PPP1R3F: variants seen among roughly 807,000 people sequenced by gnomAD.
The protein encoded by PPP1R3F is protein phosphatase 1 regulatory subunit 3F.
A neutral mutation model predicts 24.2 loss-of-function variants in PPP1R3F; 29 were observed. The ratio of observed to expected loss-of-function variants is 1.20; its 90% CI spans 0.89 to 1.63. PPP1R3F has a LOEUF of 1.63. Among genes scored for constraint, PPP1R3F ranks in the 40% most tolerant of loss-of-function variants. The pLI, the probability that PPP1R3F is intolerant of heterozygous loss-of-function variation, is 0.00. For synonymous variants in PPP1R3F, 363 were observed against 340.1 expected, an observed-to-expected ratio of 1.07 and a Z score of -0.74; for missense variants, 823 against 729.3, an observed-to-expected ratio of 1.13 and a Z score of -1.48.
At position 49,270,255 on chromosome X, in the gene PPP1R3F, A is replaced by T. The variant is rs2066164943; in HGVS notation, c.386A>T (p.Glu129Val). 8 of 1,096,775 alleles carry T rather than the reference A, an allele frequency of 7.3e-6. No individual in the cohort carries two copies. Among genetic ancestry groups the T allele is most frequent in the Non-Finnish European group, 9.4e-6 (8 of 848,431 alleles). 90.4% of individuals were successfully genotyped at this position (1,096,775 alleles called of 1,213,427 possible). A position where few individuals can be genotyped will look rare whatever the true frequency, so the allele number is the denominator to read the frequency against. Residue 129 changes from glutamate (E) to valine (V), a missense_variant, in exon 1 of 4, where the codon GAG (glutamate) becomes GTG (valine). Physicochemically the swap from Glu to Val is moderately radical, Grantham distance 121. Transcript: ENST00000055335. Reference sequence around the variant, plus strand: ...CTGCCGCCCGCGCCGGGCCGTCTGGAGCGCTTGGGGCGCGTCATGGTGGAG... The same window carrying T: ...CTGCCGCCCGCGCCGGGCCGTCTGGTGCGCTTGGGGCGCGTCATGGTGGAG... ...FSLPPAPGRLERLGRVMVELE... is the reference protein window; with the variant it reads ...FSLPPAPGRLVRLGRVMVELE...
intron 1 of PPP1R3F, chrX:49,275,064 C>T (rs373293366): frequency 1.0e-4 from 11 of 110,286 alleles, no homozygotes; most frequent in South Asian, 3.9e-4. Context: ...CTTCTGTCTC[C>T]GCTGACCCCA....
At chrX:49,280,429 A>G (rs782160841) in intron 1 of PPP1R3F, among the ~76,000 whole-genome samples, 1 of 108,478 alleles carries the variant, frequency 9.2e-6, no homozygotes, top group South Asian at 4.0e-4. Flanking sequence ...TTATATTTTT[A>G]GTAGAGACGG....
chrX:49,280,637 C>T (rs1462719199), intron 1 of PPP1R3F: 1 of 106,024 alleles, frequency 9.4e-6, no homozygotes, highest in Non-Finnish European at 1.9e-5. Context: ...CCTCCGCCTC[C>T]CAGGTTCAAA....
At chrX:49,293,307 C>A (rs781817073) in intron 3 of PPP1R3F, among the ~76,000 whole-genome samples, 1 of 112,438 alleles carries the variant, frequency 8.9e-6, no homozygotes, top group East Asian at 2.8e-4. Context: ...GATATGCCAT[C>A]ATTTATTATT....
rs1402133451 is a variant in PPP1R3F, at chrX:49,293,882, C to G, written c.393-7469C>G. 2.7e-5 allele frequency among the ~76,000 whole-genome samples: 3 copies of G among 110,955 alleles called. No homozygotes were observed. In the East Asian group the frequency reaches 8.5e-4, roughly 32 times the overall value. On this transcript the variant is annotated intron_variant, in intron 3 of 3. Coordinates refer to the PPP1R3F transcript ENST00000471261. ...TGGTGGCATGCGCCCATAGTCCCAG[C>G]TACTCAGAGGCGGAGGAGGGAGGAT...
chrX:49,269,914 GC>G lies in PPP1R3F; in HGVS notation c.51del (p.Ser18ArgfsTer154), dbSNP rs1557118556. 5.5e-6 allele frequency: 5 copies of G among 905,706 alleles called. No homozygotes were observed. The highest frequency in any genetic ancestry group is 1.1e-4 in the South Asian group (2 of 17,648). The allele number at this position is 905,706 out of a possible 1,213,427, so 74.6% of individuals were successfully genotyped here. On this transcript the variant is annotated frameshift_variant, in exon 1 of 4. Coordinates refer to ENST00000055335, the MANE Select transcript of PPP1R3F (RefSeq NM_033215.5). LOFTEE classifies it high-confidence loss of function. ...TGGAGCCCCCGCTGCGGCATTCCGC[GC>G]CCCCCTCGCCGGCCGCGGGTGAGCC... ...PVEPPLRHSA[P>X]PSPAAGEPRT...
chrX:49,285,871 A>C lies in PPP1R3F; in HGVS notation c.1181A>C (p.Glu394Ala). 8.6e-7 allele frequency: 1 copy of C among 1,165,240 alleles called. No homozygotes were observed. Among genetic ancestry groups the C allele is most frequent in the South Asian group, 2.0e-5 (1 of 50,454 alleles). ...DVPMTGNPAE[E>A]GDVPRSSPPV... Reference sequence around the variant, plus strand: ...CCGATGACTGGCAACCCCGCAGAAGAAGGTGATGTCCCCAGAAGCAGTCCA... The same window carrying C: ...CCGATGACTGGCAACCCCGCAGAAGCAGGTGATGTCCCCAGAAGCAGTCCA... Residue 394 changes from glutamate to alanine, a missense_variant, in exon 4 of 4, where the codon GAA becomes GCA. Coordinates refer to ENST00000055335, the MANE Select transcript of PPP1R3F (RefSeq NM_033215.5).
At chrX:49,291,639 T>C (rs998437064), downstream of PPP1R3F, among the ~76,000 whole-genome samples, 5 of 110,517 alleles carry the variant, frequency 4.5e-5, no homozygotes, top group Non-Finnish European at 9.5e-5. Flanking sequence ...TACTTTTCTT[T>C]TTTAAAATTT....
chrX:49,277,686 C>T (rs1487476112), intron 1 of PPP1R3F, among the ~76,000 whole-genome samples: 1 of 112,357 alleles, frequency 8.9e-6, no homozygotes, highest in East Asian at 2.8e-4. Flanking sequence ...CTGTGAAAGA[C>T]GGTTCAAAGA....
intron 3 of PPP1R3F, among the ~76,000 whole-genome samples, chrX:49,295,551 G>A (rs2066320718): frequency 1.2e-5 from 1 of 80,707 alleles, no homozygotes; most frequent in African/African-American, 3.5e-5. Flanking sequence ...GTAATATTAT[G>A]TTGAGGATTT....
chrX:49,285,933 A>G lies in PPP1R3F; in HGVS notation c.1243A>G (p.Ile415Val), dbSNP rs782207179. Residue 415 changes from isoleucine to valine, a missense_variant, in exon 4 of 4, where the codon ATC becomes GTC. Coordinates refer to ENST00000055335, the MANE Select transcript of PPP1R3F (RefSeq NM_033215.5). ...AFTEVLQAPA[I>V]RIPPSSPLCG... is the part of the protein sequence containing the mutation. ...TACAGAGGTCCTCCAGGCACCGGCC[A>G]TCAGGATTCCCCCCTCCTCCCCTCT... is the stretch of plus-strand genomic sequence containing the variant. The G allele has an allele frequency of 1.5e-5, 18 of 1,208,552 alleles. No individual in the cohort carries two copies. The South Asian group carries it at 2.1e-4, about 14-fold the overall frequency.
rs2066158129 is a variant in PPP1R3F at position 49,269,808 on chromosome X, C to G, written c.-62C>G. ...TGGCCTTCCCATTGGCTGCCCGCCCCTTCAGGCCCTGCCCCCGCCGGTCCC... is the reference window on the plus strand; with the variant it reads ...TGGCCTTCCCATTGGCTGCCCGCCCGTTCAGGCCCTGCCCCCGCCGGTCCC... On this transcript the variant is annotated 5_prime_UTR_variant, in exon 1 of 4. Coordinates refer to ENST00000055335, the MANE Select transcript of PPP1R3F (RefSeq NM_033215.5). 2.7e-6 allele frequency: 2 copies of G among 747,257 alleles called. No individual in the cohort carries two copies. Among genetic ancestry groups the G allele is most frequent in the African/African-American group, 2.3e-5 (1 of 44,238 alleles). The allele number at this position is 747,257 out of a possible 1,213,427, so 61.6% of individuals were successfully genotyped here. A position where few individuals can be genotyped will look rare whatever the true frequency, so the allele number is the denominator to read the frequency against.
intron 1 of PPP1R3F, among the ~76,000 whole-genome samples, chrX:49,277,354 G>A (rs1039314211): frequency 8.9e-6 from 1 of 112,152 alleles, no homozygotes; most frequent in Non-Finnish European, 1.9e-5. Context: ...CCTTTTAGTC[G>A]ACACCAGCTT....
At chrX:49,295,010 GT>G (rs1443288946) in intron 3 of PPP1R3F, among the ~76,000 whole-genome samples, 1 of 107,401 alleles carries the variant, frequency 9.3e-6, no homozygotes, top group Non-Finnish European at 1.9e-5. Context: ...TTTGCTAAGA[GT>G]TTTTTTTAAG....
At chrX:49,293,021 G>A (rs1557122510), downstream of PPP1R3F, among the ~76,000 whole-genome samples, 2 of 112,041 alleles carry the variant, frequency 1.8e-5, no homozygotes, top group African/African-American at 6.5e-5. Flanking sequence ...GGTGGGGGAA[G>A]TTCTGAGTCT....
intron 1 of PPP1R3F, among the ~76,000 whole-genome samples, chrX:49,271,078 C>G (rs781981593): frequency 8.9e-6 from 1 of 112,165 alleles, no homozygotes; most frequent in African/African-American, 3.2e-5. Context: ...TTGAGTTCCA[C>G]TGTAAAGCCC....
intron 3 of PPP1R3F, among the ~76,000 whole-genome samples, chrX:49,300,522 C>T (rs1260377433): frequency 1.1e-5 from 1 of 90,455 alleles, no homozygotes; most frequent in Non-Finnish European, 2.1e-5. Flanking sequence ...CAGAGTCTCA[C>T]TCTGTCACCC....
intron 3 of PPP1R3F, among the ~76,000 whole-genome samples, chrX:49,295,111 G>A (rs1261066744): frequency 2.7e-5 from 3 of 110,478 alleles, no homozygotes; most frequent in Non-Finnish European, 5.7e-5. Flanking sequence ...TGTCAGTATG[G>A]TAGATTGCAT....
rs1557118834 is a variant in PPP1R3F at position 49,270,431 on chromosome X, T to G, written c.562T>G (p.Trp188Gly). 1 of 1,193,524 alleles carries G rather than the reference T, an allele frequency of 8.4e-7. No individual in the cohort carries two copies. The highest frequency in any genetic ancestry group is 1.7e-5 in the African/African-American group (1 of 57,717). ...AVHVRASHDGWASFCDHPARY... is the reference protein window; with the variant it reads ...AVHVRASHDGGASFCDHPARY... Reference sequence around the variant, plus strand: ...GCACGTGCGGGCCTCACACGACGGCTGGGCTTCCTTTTGCGACCACCCAGC... The same window carrying G: ...GCACGTGCGGGCCTCACACGACGGCGGGGCTTCCTTTTGCGACCACCCAGC... The change falls in exon 1 of 4, where the codon TGG (tryptophan) becomes GGG (glycine). Residue 188 changes from tryptophan (W) to glycine (G), a missense_variant. Physicochemically the swap from Trp to Gly is radical, Grantham distance 184. Transcript: ENST00000055335.
Sources: allele counts gnomAD v4.1 joint callset (sites outside exome capture counted in the v4.1 genomes callset), GRCh38; gene constraint gnomAD v4.1.1; transcripts MANE v1.5; gene names NCBI Gene and HGNC (gene_info 2026-07-23, HGNC 2026-07-21).